Variants in FAF1 observed in about 807,000 individuals in gnomAD.
The protein encoded by FAF1 is FAS-associated factor 1.
In FAF1, 25 loss-of-function variants were observed where a neutral mutation model predicts 92.5. The observed-to-expected ratio is 0.27, with a 90% CI of 0.20 to 0.38. The LOEUF (loss-of-function observed/expected upper bound fraction) is 0.38. Ranked by LOEUF, FAF1 falls within the 10% of genes least tolerant of loss-of-function variation. The pLI is 1.00. For synonymous variants in FAF1, 234 were observed against 273.2 expected (o/e 0.86, Z 1.42); for missense variants, 636 against 793.3 (o/e 0.80, Z 2.38).
In FAF1 at chr1:50,868,543, G is replaced by C. The variant is rs187641712; in HGVS notation, c.46-10546C>G. On this transcript the variant is annotated intron_variant, in intron 1 of 18. Coordinates refer to ENST00000396153, the MANE Select transcript of FAF1 (RefSeq NM_007051.3). ...TTCCCTTCTAATGTAAGCATTTATA[G>C]CTGTAAATTTACCTCTAGGCACTGC... Among the ~76,000 whole-genome samples the C allele has an allele frequency of 4.6e-5, 7 of 152,120 alleles. No individual in the cohort carries two copies. In the East Asian group the frequency reaches 1.2e-3, roughly 25 times the overall value.
intron 17 of FAF1, among the ~76,000 whole-genome samples, chr1:50,476,464 T>C (rs1165512561): frequency 6.6e-6 from 1 of 152,152 alleles, no homozygotes; most frequent in Non-Finnish European, 1.5e-5. Flanking sequence ...TGAAGCAAAC[T>C]GTTGGAAGGT....
intron 17 of FAF1, 129 bp downstream of exon 17, chr1:50,490,457 AAG>A (rs1392630800): frequency 0.045 from 15,493 of 341,944 alleles, 1,264 homozygotes; most frequent in African/African-American, 0.09. Flanking sequence ...GGAAGGAAGG[AAG>A]GAAAAAGAAA....
chr1:50,787,896 T>G, intron 4 of FAF1, 104 bp downstream of exon 4: 7 of 917,588 alleles, frequency 7.6e-6, no homozygotes, highest in Non-Finnish European at 1.2e-5. Flanking sequence ...AACTTGCTTT[T>G]TTTCCCTTCT....
At chr1:50,950,791 T>C (rs1281480406) in intron 1 of FAF1, among the ~76,000 whole-genome samples, 1 of 152,202 alleles carries the variant, frequency 6.6e-6, no homozygotes, top group Non-Finnish European at 1.5e-5. Context: ...GAAGATCTAC[T>C]ACATGACAGC....
chr1:50,549,922 T>C lies in FAF1; in HGVS notation c.1269-10194A>G, dbSNP rs1649223729. Among the ~76,000 whole-genome samples the C allele has an allele frequency of 2.6e-5, 4 of 152,324 alleles. No individual in the cohort carries two copies. In the South Asian group the frequency reaches 6.2e-4, roughly 24 times the overall value. On this transcript the variant is annotated intron_variant, in intron 13 of 18. Coordinates refer to ENST00000396153, the MANE Select transcript of FAF1 (RefSeq NM_007051.3). ...TGTGCACAGCCAAATTTGGACACTTTGTGATTTTTATCATTATATAAAATG... is the reference window on the plus strand; with the variant it reads ...TGTGCACAGCCAAATTTGGACACTTCGTGATTTTTATCATTATATAAAATG...
intron 17 of FAF1, among the ~76,000 whole-genome samples, chr1:50,480,103 A>C (rs995251806): frequency 6.6e-6 from 1 of 152,224 alleles, no homozygotes; most frequent in Non-Finnish European, 1.5e-5. Context: ...TTTGTAATAA[A>C]ACAAGGAAAC....
At chr1:50,581,925 C>T (rs968752571) in intron 12 of FAF1, among the ~76,000 whole-genome samples, 1 of 151,884 alleles carries the variant, frequency 6.6e-6, no homozygotes, top group Non-Finnish European at 1.5e-5. Flanking sequence ...GCTGTGACAA[C>T]ATACAAATAG....
At chr1:50,722,634 G>C (rs1196921521) in intron 6 of FAF1, among the ~76,000 whole-genome samples, 1 of 140,378 alleles carries the variant, frequency 7.1e-6, no homozygotes, top group Non-Finnish European at 1.5e-5. Context: ...GGGCGACAGA[G>C]AGCGACAGTC....
chr1:50,541,896 A>G (rs1228190341), intron 13 of FAF1, among the ~76,000 whole-genome samples: 1 of 152,210 alleles, frequency 6.6e-6, no homozygotes, highest in African/African-American at 2.4e-5. Context: ...AAGAAGATAA[A>G]ATAATTATGA....
intron 1 of FAF1, among the ~76,000 whole-genome samples, chr1:50,910,148 C>T (rs567708834): frequency 2.0e-5 from 3 of 152,212 alleles, no homozygotes; most frequent in African/African-American, 7.2e-5. Flanking sequence ...TGGAGGTCCA[C>T]TCCAGACCCT....
chr1:50,594,964 C>T (rs1255851041), intron 9 of FAF1, among the ~76,000 whole-genome samples: 6 of 151,720 alleles, frequency 4.0e-5, no homozygotes, highest in African/African-American at 1.5e-4. Flanking sequence ...TCAATCTTAT[C>T]TGCCCCTTCT....
chr1:50,717,602 G>A (rs921047987), intron 6 of FAF1, among the ~76,000 whole-genome samples: 1 of 152,146 alleles, frequency 6.6e-6, no homozygotes, highest in African/African-American at 2.4e-5. Context: ...TTCAGCACAG[G>A]CTTCTAATGT....
At chr1:50,554,479 A>C (rs1373523040) in intron 13 of FAF1, among the ~76,000 whole-genome samples, 1 of 151,034 alleles carries the variant, frequency 6.6e-6, no homozygotes, top group East Asian at 1.9e-4. Flanking sequence ...TACTTAATTA[A>C]TGGTTGTAGT....
At chr1:50,846,757 T>C in intron 2 of FAF1, 2 of 697,840 alleles carry the variant, frequency 2.9e-6, no homozygotes, top group Non-Finnish European at 5.1e-6. Flanking sequence ...AAACACCCTC[T>C]GACCCAGGAA....
chr1:50,728,528 T>C (rs12753029), intron 6 of FAF1, among the ~76,000 whole-genome samples: 1 of 152,090 alleles, frequency 6.6e-6, no homozygotes, highest in Non-Finnish European at 1.5e-5. Flanking sequence ...CAGTGGCTCA[T>C]GCCTGCAATT....
At chr1:50,611,484 C>T (rs565744785) in intron 8 of FAF1, among the ~76,000 whole-genome samples, 6 of 152,152 alleles carry the variant, frequency 3.9e-5, no homozygotes, top group Non-Finnish European at 7.3e-5. Flanking sequence ...ATATGGACTG[C>T]TGTGAGGCTA....
At chr1:50,935,380 A>G (rs924453444) in intron 1 of FAF1, among the ~76,000 whole-genome samples, 4 of 152,088 alleles carry the variant, frequency 2.6e-5, no homozygotes, top group Admixed American at 6.6e-5. Context: ...AATATAACAT[A>G]TATTTCCCAG....
At chr1:50,800,772 C>T (rs1661960236) in intron 3 of FAF1, among the ~76,000 whole-genome samples, 1 of 152,134 alleles carries the variant, frequency 6.6e-6, no homozygotes, top group Non-Finnish European at 1.5e-5. Context: ...CTCTCCAAAA[C>T]GACCTCATTC....
chr1:50,612,308 T>A, intron 8 of FAF1: 1 of 1,163,460 alleles, frequency 8.6e-7, no homozygotes, highest in Non-Finnish European at 1.1e-6. Flanking sequence ...AAATCTTCAG[T>A]TACAATGAAA....
Sources: gnomAD v4.1 joint callset for allele counts (sites outside exome capture counted in the v4.1 genomes callset) on GRCh38, gnomAD v4.1.1 for gene constraint, MANE v1.5 for transcripts, NCBI Gene and HGNC (gene_info 2026-07-23, HGNC 2026-07-21) for gene names.